Variants in KIAA0319 observed in about 807,000 individuals in gnomAD.
KIAA0319 encodes the protein dyslexia-associated protein KIAA0319.
KIAA0319 carries 83 observed loss-of-function variants against 108.4 expected under a neutral mutation model. The ratio of observed to expected loss-of-function variants is 0.77; its 90% CI spans 0.64 to 0.92. KIAA0319 has a LOEUF of 0.92. Ranked by LOEUF, KIAA0319 falls within the 40% of genes least tolerant of loss-of-function variation. The pLI, the probability that KIAA0319 is intolerant of heterozygous loss-of-function variation, is 0.00. For missense variants in KIAA0319, 1,195 were observed against 1,322.4 expected, an observed-to-expected ratio of 0.90 and a Z score of 1.49; for synonymous variants, 484 against 510.4, an observed-to-expected ratio of 0.95 and a Z score of 0.70.
In KIAA0319 at chr6:24,559,121, G is replaced by A; in HGVS notation, c.2626C>T (p.Pro876Ser). The change falls in exon 17 of 21, where the codon CCT becomes TCT. Residue 876 changes from proline (P) to serine (S), a missense_variant. Pro to Ser is a moderately conservative substitution (Grantham distance 74). Transcript: ENST00000378214. The part of the protein sequence containing the change: ...VIVFYVQSRP[P>S]FKVLKAAEVA... ...TCAGCAGCTTTGAGAACCTTGAAAGGCGGCCTGCTCTGTACATAAAACACA... is the reference window on the plus strand; with the variant it reads ...TCAGCAGCTTTGAGAACCTTGAAAGACGGCCTGCTCTGTACATAAAACACA... The A allele has an allele frequency of 6.2e-7, 1 of 1,613,620 alleles. No homozygotes were observed. Among genetic ancestry groups the A allele is most frequent in the Non-Finnish European group, 8.5e-7 (1 of 1,180,042 alleles).
At chr6:24,582,858 G>A (rs1304133108) in intron 5 of KIAA0319, among the ~76,000 whole-genome samples, 1 of 152,092 alleles carries the variant, frequency 6.6e-6, no homozygotes, top group Non-Finnish European at 1.5e-5. Context: ...GTATAAACAT[G>A]TCTATGTTAA....
chr6:24,641,204 G>A (rs566241572), intron 1 of KIAA0319, among the ~76,000 whole-genome samples: 1 of 152,266 alleles, frequency 6.6e-6, no homozygotes, highest in East Asian at 1.9e-4. Flanking sequence ...TGCCTTCAAG[G>A]TTCATCCATG....
In KIAA0319 at chr6:24,545,792, G is replaced by C. The variant is rs1231693022; in HGVS notation, c.*1373C>G. 6.6e-6 allele frequency: 1 copy of C among 152,144 alleles called. No homozygotes were observed. Among genetic ancestry groups the C allele is most frequent in the Non-Finnish European group, 1.5e-5 (1 of 68,024 alleles). The allele number at this position is 152,144 out of a possible 1,614,324, so 9.4% of individuals were successfully genotyped here. A position where few individuals can be genotyped will look rare whatever the true frequency, so the allele number is the denominator to read the frequency against. On this transcript the variant is annotated 3_prime_UTR_variant, in exon 21 of 21. Coordinates refer to ENST00000378214, the MANE Select transcript of KIAA0319 (RefSeq NM_014809.4). ...ACATTTTCTCTGGCACTCCTGCCCT[G>C]GTGTTTAAATACCTTGCTTCTTCAT...
rs1763960959 is a variant in KIAA0319, at chr6:24,566,779, G to C, written c.2141-31C>G. ...TCAAATATAGCAAAATGAAAGCAAA[G>C]AGATTGATTTAAAACACCAGTGATA... On this transcript the variant is annotated intron_variant, in intron 13 of 20. Transcript: ENST00000378214. 3.2e-6 allele frequency: 5 copies of C among 1,584,124 alleles called. No individual in the cohort carries two copies. In the East Asian group the frequency reaches 9.0e-5, roughly 28 times the overall value.
rs748531743 is a variant in KIAA0319 at position 24,579,850 on chromosome 6, A to T, written c.1372+8T>A. 1.1e-5 allele frequency: 17 copies of T among 1,593,656 alleles called. No homozygotes were observed. The highest frequency in any genetic ancestry group is 1.5e-5 in the Non-Finnish European group (17 of 1,168,104). ...AAAGAAATCCCTAAACTATCTCAGG[A>T]TACACACGGCTGCCATCAATGAGGG... On this transcript the variant is annotated splice_region_variant and intron_variant, in intron 8 of 20. Transcript: ENST00000378214.
intron 2 of KIAA0319, chr6:24,600,682 TGCCATGAGTGCATCCACCATAA>T: frequency 6.5e-7 from 1 of 1,533,710 alleles, no homozygotes; most frequent in Non-Finnish European, 8.7e-7. Flanking sequence ...GTGATTTTTT[TGCCATGAGTGCATCCACCATAA>T]GCAAACTGAG....
intron 2 of KIAA0319, 107 bp from the exon 3 acceptor site, chr6:24,596,725 G>T: frequency 1.0e-6 from 1 of 995,800 alleles, no homozygotes; most frequent in Non-Finnish European, 1.5e-6. Flanking sequence ...GGCCAGTCTG[G>T]CAAGCAAATA....
chr6:24,569,288 G>T (rs1764337119), intron 12 of KIAA0319, among the ~76,000 whole-genome samples: 1 of 152,170 alleles, frequency 6.6e-6, no homozygotes, highest in Non-Finnish European at 1.5e-5. Context: ...GAGCATGGAA[G>T]AGGAGGGAAT....
intron 1 of KIAA0319, among the ~76,000 whole-genome samples, chr6:24,624,988 C>T (rs1774504466): frequency 6.6e-6 from 1 of 152,192 alleles, no homozygotes; most frequent in Admixed American, 6.5e-5. Context: ...TGGCTTGAGT[C>T]CAGGAGTTCA....
At chr6:24,606,878 C>T (rs898335006) in intron 1 of KIAA0319, among the ~76,000 whole-genome samples, 1 of 152,170 alleles carries the variant, frequency 6.6e-6, no homozygotes, top group African/African-American at 2.4e-5. Flanking sequence ...GGTCTGCTGC[C>T]ACAGCAGCCA....
chr6:24,621,825 G>A (rs1773981549), intron 1 of KIAA0319, among the ~76,000 whole-genome samples: 1 of 152,210 alleles, frequency 6.6e-6, no homozygotes, highest in Non-Finnish European at 1.5e-5. Context: ...CAGCACTTTT[G>A]GTGACAGCAC....
intron 3 of KIAA0319, 108 bp from the exon 4 acceptor site, chr6:24,588,893 T>A: frequency 1.2e-6 from 1 of 850,502 alleles, no homozygotes; most frequent in Non-Finnish European, 1.8e-6. Context: ...TGGTAATGTT[T>A]GAAAAACCAT....
At chr6:24,625,563 G>A (rs1774592858) in intron 1 of KIAA0319, among the ~76,000 whole-genome samples, 1 of 152,126 alleles carries the variant, frequency 6.6e-6, no homozygotes, top group South Asian at 2.1e-4. Flanking sequence ...ACATTGTACT[G>A]GAGGTTCTAG....
intron 13 of KIAA0319, among the ~76,000 whole-genome samples, chr6:24,566,950 A>C (rs1282887733): frequency 6.6e-6 from 1 of 152,138 alleles, no homozygotes; most frequent in Non-Finnish European, 1.5e-5. Flanking sequence ...AGTTAGCTAT[A>C]ATTTGGGATG....
At chr6:24,607,308 A>G (rs1771556821) in intron 1 of KIAA0319, among the ~76,000 whole-genome samples, 1 of 152,158 alleles carries the variant, frequency 6.6e-6, no homozygotes, top group Non-Finnish European at 1.5e-5. Flanking sequence ...GTGAGCCGAG[A>G]TCGTGCCATT....
At chr6:24,592,208 A>G (rs995877014) in intron 3 of KIAA0319, among the ~76,000 whole-genome samples, 8 of 152,242 alleles carry the variant, frequency 5.3e-5, no homozygotes, top group Admixed American at 1.3e-4. Context: ...TTTTTAAAAT[A>G]AGGTATGAGA....
intron 20 of KIAA0319, among the ~76,000 whole-genome samples, chr6:24,549,287 C>T (rs369410394): frequency 2.9e-5 from 4 of 140,000 alleles, no homozygotes; most frequent in African/African-American, 8.0e-5. Flanking sequence ...GATTGCACCA[C>T]TGCATTCCAG....
At chr6:24,543,095 A>C (rs1365753972), downstream of KIAA0319, among the ~76,000 whole-genome samples, 1 of 152,226 alleles carries the variant, frequency 6.6e-6, no homozygotes, top group African/African-American at 2.4e-5. Flanking sequence ...TGTTCACGGC[A>C]ATAAAGTCTC....
chr6:24,561,556 C>G (rs1763095116), intron 16 of KIAA0319, among the ~76,000 whole-genome samples: 1 of 152,106 alleles, frequency 6.6e-6, no homozygotes, highest in East Asian at 1.9e-4. Context: ...CTCCCCCACC[C>G]ACATTTTTTG....
Sources: allele counts gnomAD v4.1 joint callset (sites outside exome capture counted in the v4.1 genomes callset), GRCh38; gene constraint gnomAD v4.1.1; transcripts MANE v1.5; gene names NCBI Gene and HGNC (gene_info 2026-07-23, HGNC 2026-07-21).